Variants in ATP2C2 observed in about 807,000 individuals in gnomAD.
The protein encoded by ATP2C2 is ATPase secretory pathway Ca2+ transporting 2, also known as calcium-transporting ATPase type 2C member 2.
ATP2C2 carries 171 observed loss-of-function variants against 110.8 expected under a neutral mutation model. The ratio of observed to expected loss-of-function variants is 1.54; its 90% CI spans 1.36 to 1.75. The LOEUF is 1.75. Among genes scored for constraint, ATP2C2 ranks in the 40% most tolerant of loss-of-function variants. The pLI is 0.00. For synonymous variants in ATP2C2, 804 were observed against 508.4 expected, an observed-to-expected ratio of 1.58 and a Z score of -7.82; for missense variants, 1,963 against 1,235.0, an observed-to-expected ratio of 1.59 and a Z score of -8.84.
intron 23 of ATP2C2, chr16:84,460,025 C>G (rs548724163): frequency 1.4e-5 from 3 of 213,894 alleles, no homozygotes; most frequent in African/African-American, 6.8e-5. Context: ...GAGCACAGAG[C>G]CAGTGCTTCC....
At chr16:84,429,682 G>A (rs1352739401) in intron 11 of ATP2C2, among the ~76,000 whole-genome samples, 1 of 152,172 alleles carries the variant, frequency 6.6e-6, no homozygotes, top group East Asian at 1.9e-4. Flanking sequence ...GCTGGGAAGA[G>A]AGGCAGAGGC....
chr16:84,414,544 C>G (rs2150532072), intron 6 of ATP2C2, among the ~76,000 whole-genome samples: 1 of 152,316 alleles, frequency 6.6e-6, no homozygotes, highest in East Asian at 1.9e-4. Context: ...ACTCATGTCT[C>G]TCGGGCCAGT....
intron 11 of ATP2C2, among the ~76,000 whole-genome samples, chr16:84,430,605 C>T (rs1908183714): frequency 6.7e-6 from 1 of 148,294 alleles, no homozygotes; most frequent in Non-Finnish European, 1.5e-5. Context: ...ACACTACTGC[C>T]CTCCAGCCTG....
intron 11 of ATP2C2, among the ~76,000 whole-genome samples, chr16:84,427,646 G>A (rs1907917278): frequency 2.0e-5 from 3 of 152,154 alleles, no homozygotes; most frequent in Non-Finnish European, 4.4e-5. Flanking sequence ...GAGCCCGGGA[G>A]GTGGAGTTTG....
chr16:84,463,085 C>T (rs1331651228), intron 26 of ATP2C2: 1 of 157,386 alleles, frequency 6.4e-6, no homozygotes, highest in Non-Finnish European at 1.4e-5. Context: ...CTTCCCACGC[C>T]TGAAGGGGTT....
intron 1 of ATP2C2, among the ~76,000 whole-genome samples, chr16:84,384,948 C>T (rs890179899): frequency 6.6e-6 from 1 of 152,204 alleles, no homozygotes; most frequent in Admixed American, 6.5e-5. Context: ...ACCTAGGAGG[C>T]TGAGGCAGGA....
At chr16:84,398,076 T>C (rs1046632428) in intron 1 of ATP2C2, among the ~76,000 whole-genome samples, 2 of 151,766 alleles carry the variant, frequency 1.3e-5, no homozygotes, top group African/African-American at 4.9e-5. Context: ...TGTACACATA[T>C]GCACACTGTG....
chr16:84,406,618 C>A (rs570299176), intron 3 of ATP2C2: 1 of 985,488 alleles, frequency 1.0e-6, no homozygotes, highest in African/African-American at 1.7e-5. Context: ...TGTTATTCAT[C>A]GATGCGTTTT....
At chr16:84,416,978 G>A (rs247806) in intron 7 of ATP2C2, among the ~76,000 whole-genome samples, 148,737 of 152,258 alleles carry the variant, frequency 0.98, 72,756 homozygotes, top group Middle Eastern at 1. Flanking sequence ...ACACAGGTCC[G>A]CCACAAGGGC....
rs1909211471 is a variant in ATP2C2, at chr16:84,441,055, C to G, written c.1311+97C>G. 2.3e-5 allele frequency: 25 copies of G among 1,073,284 alleles called. No individual in the cohort carries two copies. In the South Asian group the frequency reaches 3.1e-4, roughly 14 times the overall value. 66.5% of individuals were successfully genotyped at this position (1,073,284 alleles called of 1,614,324 possible). On this transcript the variant is annotated intron_variant, in intron 14 of 26. Coordinates refer to ENST00000262429, the MANE Select transcript of ATP2C2 (RefSeq NM_014861.4). ...GAAACAGCCATTGAACCTACTGGTTCTTGACAATGACTGGCCCATCCAGGG... is the reference window on the plus strand; with the variant it reads ...GAAACAGCCATTGAACCTACTGGTTGTTGACAATGACTGGCCCATCCAGGG...
At chr16:84,385,700 C>A (rs1470145047) in intron 1 of ATP2C2, among the ~76,000 whole-genome samples, 1 of 152,190 alleles carries the variant, frequency 6.6e-6, no homozygotes, top group African/African-American at 2.4e-5. Context: ...CGGAAGGCAC[C>A]TCTTCACAGA....
intron 10 of ATP2C2, 33 bp downstream of exon 10, chr16:84,423,296 C>G (rs776781110): frequency 1.2e-5 from 19 of 1,593,888 alleles, no homozygotes; most frequent in Non-Finnish European, 1.6e-5. Context: ...TGGGTTTGTT[C>G]TGCAGATGGA....
At chr16:84,404,992 C>G (rs1905624703) in intron 2 of ATP2C2, 136 bp from the exon 3 acceptor site, 2 of 797,480 alleles carry the variant, frequency 2.5e-6, no homozygotes, top group Non-Finnish European at 4.5e-6. Context: ...TTGAACAAGT[C>G]CCAGCACCTT....
At chr16:84,406,544 C>T in intron 3 of ATP2C2, 6 of 966,726 alleles carry the variant, frequency 6.2e-6, no homozygotes, top group Non-Finnish European at 6.2e-6. Context: ...GGGCAGCATC[C>T]TCTGTCTCCA....
intron 10 of ATP2C2, 107 bp downstream of exon 10, chr16:84,423,370 AG>A (rs1907530018): frequency 9.4e-7 from 1 of 1,059,208 alleles, no homozygotes. Context: ...CAGCTGCATA[AG>A]GCTTGGGGAT....
intron 1 of ATP2C2, among the ~76,000 whole-genome samples, chr16:84,386,231 G>T (rs150039171): frequency 3.3e-5 from 5 of 152,240 alleles, no homozygotes; most frequent in African/African-American, 7.2e-5. Context: ...GGGTGCCATG[G>T]CTCCTGGGCC....
chr16:84,446,028 T>C (rs373426621), intron 15 of ATP2C2, among the ~76,000 whole-genome samples: 1 of 152,200 alleles, frequency 6.6e-6, no homozygotes, highest in East Asian at 1.9e-4. Flanking sequence ...GAGAAATTGC[T>C]ACACCTTCAA....
intron 24 of ATP2C2, chr16:84,461,382 C>T (rs1247889008): frequency 2.2e-6 from 1 of 451,138 alleles, no homozygotes; most frequent in African/African-American, 2.0e-5. Flanking sequence ...CATCCTTCAG[C>T]CTTCCTTGTA....
At chr16:84,406,392 T>C (rs1038089764) in intron 3 of ATP2C2, among the ~76,000 whole-genome samples, 3 of 152,232 alleles carry the variant, frequency 2.0e-5, no homozygotes. Context: ...TTCCAGCCTT[T>C]TGCATGCTCT....
Sources: allele counts gnomAD v4.1 joint callset (sites outside exome capture counted in the v4.1 genomes callset), GRCh38; gene constraint gnomAD v4.1.1; transcripts MANE v1.5; gene names NCBI Gene and HGNC (gene_info 2026-07-23, HGNC 2026-07-21).